SGIP1: variants seen among roughly 807,000 people sequenced by gnomAD.
SGIP1 encodes the protein SH3GL interacting endocytic adaptor 1, also known as SH3-containing GRB2-like protein 3-interacting protein 1.
In SGIP1, 38 loss-of-function variants were observed where a neutral mutation model predicts 107.5. That is an observed-to-expected ratio of 0.35 (90% CI 0.27 to 0.46). SGIP1 has a LOEUF of 0.46. SGIP1 is among the 20% of genes least tolerant of loss of function. The pLI, the probability that SGIP1 is intolerant of heterozygous loss-of-function variation, is 1.00. For missense variants in SGIP1, 929 were observed against 1,019.5 expected, an observed-to-expected ratio of 0.91 and a Z score of 1.21; for synonymous variants, 365 against 366.1, an observed-to-expected ratio of 1.00 and a Z score of 0.03.
chr1:66,700,588 A>G (rs2091756557), intron 18 of SGIP1, among the ~76,000 whole-genome samples: 1 of 151,998 alleles, frequency 6.6e-6, no homozygotes, highest in Admixed American at 6.6e-5. Context: ...TATTTATAGG[A>G]TACCAAATAA....
chr1:66,635,848 G>T (rs1489673740), intron 3 of SGIP1, 96 bp from the exon 4 acceptor site: 2 of 1,271,478 alleles, frequency 1.6e-6, no homozygotes, highest in Non-Finnish European at 1.1e-6. Flanking sequence ...TTCTTCTATG[G>T]TATGTTTGCT....
chr1:66,663,711 G>A (rs981372162), intron 8 of SGIP1, among the ~76,000 whole-genome samples: 8 of 152,016 alleles, frequency 5.3e-5, no homozygotes, highest in Non-Finnish European at 8.8e-5. Context: ...CCCTGCTGAA[G>A]GCATTTTGCA....
At chr1:66,730,378 A>G (rs914211646) in intron 20 of SGIP1, among the ~76,000 whole-genome samples, 2 of 152,300 alleles carry the variant, frequency 1.3e-5, no homozygotes, top group East Asian at 3.9e-4. Context: ...AAAATGATCA[A>G]TTATACAAGT....
intron 1 of SGIP1, among the ~76,000 whole-genome samples, chr1:66,617,295 C>T (rs1404696537): frequency 6.6e-6 from 1 of 151,378 alleles, no homozygotes; most frequent in Non-Finnish European, 1.5e-5. Flanking sequence ...AGTAGTCTAT[C>T]CACGGGAAAT....
intron 19 of SGIP1, among the ~76,000 whole-genome samples, chr1:66,721,495 A>G (rs531303264): frequency 1.1e-3 from 161 of 151,962 alleles, no homozygotes; most frequent in Non-Finnish European, 1.9e-3. Flanking sequence ...TGCAGCCTCA[A>G]CCTCCCAGTC....
At chr1:66,689,566 C>T (rs752793035) in intron 16 of SGIP1, among the ~76,000 whole-genome samples, 26 of 152,204 alleles carry the variant, frequency 1.7e-4, no homozygotes, top group African/African-American at 2.7e-4. Flanking sequence ...AGGTGTTTCA[C>T]AGTATTTGTC....
intron 1 of SGIP1, among the ~76,000 whole-genome samples, chr1:66,600,073 G>A (rs1171719560): frequency 1.3e-5 from 2 of 152,276 alleles, no homozygotes; most frequent in East Asian, 3.9e-4. Flanking sequence ...TTAAAACACA[G>A]CTTTCTCGGG....
chr1:66,679,960 T>G (rs1209930277), intron 14 of SGIP1, among the ~76,000 whole-genome samples: 1 of 152,258 alleles, frequency 6.6e-6, no homozygotes, highest in African/African-American at 2.4e-5. Context: ...TAATAATTTC[T>G]CAGTTAATTT....
At chr1:66,698,535 C>T (rs1036225753) in intron 18 of SGIP1, among the ~76,000 whole-genome samples, 4 of 152,022 alleles carry the variant, frequency 2.6e-5, no homozygotes, top group African/African-American at 7.2e-5. Flanking sequence ...CCCGCCACCA[C>T]GCCCGGCTAA....
intron 1 of SGIP1, among the ~76,000 whole-genome samples, chr1:66,562,543 C>T (rs2059105947): frequency 6.6e-6 from 1 of 152,012 alleles, no homozygotes; most frequent in Admixed American, 6.6e-5. Flanking sequence ...GGTAGGTTCC[C>T]TCCATTCACC....
intron 3 of SGIP1, chr1:66,634,296 C>T (rs2075372303): frequency 1.5e-6 from 1 of 679,786 alleles, no homozygotes; most frequent in African/African-American, 1.8e-5. Flanking sequence ...GACTGGATTG[C>T]TATTCCTTGC....
At chr1:66,680,152 A>T (rs1169039787) in intron 14 of SGIP1, among the ~76,000 whole-genome samples, 1 of 152,202 alleles carries the variant, frequency 6.6e-6, no homozygotes, top group East Asian at 1.9e-4. Flanking sequence ...TAAGTCTAAA[A>T]CTATCTAGTC....
intron 1 of SGIP1, among the ~76,000 whole-genome samples, chr1:66,604,488 C>T (rs1000330860): frequency 1.3e-5 from 2 of 152,248 alleles, no homozygotes; most frequent in African/African-American, 4.8e-5. Context: ...TTTTAAAAGT[C>T]GTTTTCTACA....
In SGIP1 at chr1:66,744,615, C is replaced by T. The variant is rs991499846; in HGVS notation, c.*1520C>T. On this transcript the variant is annotated 3_prime_UTR_variant, in exon 25 of 25. Transcript: ENST00000371037. ...CTCAAATTTAACAAAGAATCTTTAG[C>T]CCCTTTAAATTTTAGAATTAAATTA... 6.6e-6 allele frequency: 1 copy of T among 151,938 alleles called. No homozygotes were observed. The highest frequency in any genetic ancestry group is 1.5e-5 in the Non-Finnish European group (1 of 67,876). The allele number at this position is 151,938 out of a possible 1,614,324, so 9.4% of individuals were successfully genotyped here. A position where few individuals can be genotyped will look rare whatever the true frequency, so the allele number is the denominator to read the frequency against.
chr1:66,534,345 G>T lies in SGIP1; in HGVS notation c.-14G>T, dbSNP rs1370898248. 1 of 1,614,016 alleles carries T rather than the reference G, an allele frequency of 6.2e-7. No individual in the cohort carries two copies. The highest frequency in any genetic ancestry group is 1.3e-5 in the African/African-American group (1 of 74,922). On this transcript the variant is annotated 5_prime_UTR_variant, in exon 1 of 25. The change abolishes an upstream ATG in the 5' untranslated region. Coordinates refer to ENST00000371037, the MANE Select transcript of SGIP1 (RefSeq NM_032291.4). ...TCAGACTCCTTGGAAATTAAGGAAT[G>T]CAATTCTGCCACCATGATGGAAGGT...
chr1:66,620,418 T>TA (rs2070710671), intron 1 of SGIP1, among the ~76,000 whole-genome samples: 2 of 152,264 alleles, frequency 1.3e-5, no homozygotes, highest in Non-Finnish European at 2.9e-5. Context: ...GGGTAATTTA[T>TA]AAAGAAAGGA....
intron 1 of SGIP1, among the ~76,000 whole-genome samples, chr1:66,579,490 G>T (rs1019952929): frequency 6.6e-6 from 1 of 152,138 alleles, no homozygotes; most frequent in African/African-American, 2.4e-5. Context: ...TTTTAAAGCT[G>T]TGCATCTGGA....
intron 13 of SGIP1, 51 bp from the exon 14 acceptor site, chr1:66,679,627 T>C (rs780221761): frequency 4.5e-6 from 7 of 1,557,814 alleles, no homozygotes; most frequent in Non-Finnish European, 4.3e-6. Flanking sequence ...GTGTATTGTA[T>C]GACTTAGGAA....
At chr1:66,679,648 A>G (rs1335549981) in intron 13 of SGIP1, 30 bp from the exon 14 acceptor site, 11 of 1,597,138 alleles carry the variant, frequency 6.9e-6, no homozygotes, top group Non-Finnish European at 9.4e-6. Flanking sequence ...GCACATGACC[A>G]ATGATACTTA....
Sources: allele counts gnomAD v4.1 joint callset (sites outside exome capture counted in the v4.1 genomes callset), GRCh38; gene constraint gnomAD v4.1.1; transcripts MANE v1.5; gene names NCBI Gene and HGNC (gene_info 2026-07-23, HGNC 2026-07-21).